The following CCDC178 variants were observed in gnomAD, a reference collection of about 807,000 sequenced individuals.
CCDC178 encodes coiled-coil domain containing 178, also known as coiled-coil domain-containing protein 178.
A neutral mutation model predicts 117.4 loss-of-function variants in CCDC178; 126 were observed. The ratio of observed to expected loss-of-function variants is 1.07; its 90% CI spans 0.93 to 1.24. CCDC178 has a LOEUF of 1.24. Among genes scored for constraint, CCDC178 ranks in the 50% most tolerant of loss-of-function variants. The pLI is 0.00. For missense variants in CCDC178, 1,030 were observed against 986.9 expected, an observed-to-expected ratio of 1.04 and a Z score of -0.59; for synonymous variants, 283 against 313.4, an observed-to-expected ratio of 0.90 and a Z score of 1.02.
intron 21 of CCDC178, among the ~76,000 whole-genome samples, chr18:33,075,493 TTA>T (rs1328683217): frequency 6.6e-6 from 1 of 152,192 alleles, no homozygotes; most frequent in African/African-American, 2.4e-5. Context: ...TTATTATGCA[TTA>T]TATTTCCATA....
chr18:33,241,118 AG>A (rs2059482622), intron 15 of CCDC178, among the ~76,000 whole-genome samples: 1 of 151,940 alleles, frequency 6.6e-6, no homozygotes, highest in African/African-American at 2.4e-5. Flanking sequence ...TAATAGATGC[AG>A]AAAAAGCATT....
At chr18:33,274,371 A>T (rs1402096193) in intron 12 of CCDC178, among the ~76,000 whole-genome samples, 5 of 151,988 alleles carry the variant, frequency 3.3e-5, no homozygotes, top group Non-Finnish European at 5.9e-5. Flanking sequence ...TTAAACATAG[A>T]ACTATCACAT....
At chr18:33,230,246 C>CTCTG (rs2059354033) in intron 15 of CCDC178, among the ~76,000 whole-genome samples, 1 of 147,998 alleles carries the variant, frequency 6.8e-6, no homozygotes, top group African/African-American at 2.5e-5. Flanking sequence ...AACTCAGAGG[C>CTCTG]TGTGTGTGTG....
At chr18:32,949,470 T>C (rs111996936) in intron 22 of CCDC178, among the ~76,000 whole-genome samples, 2 of 152,282 alleles carry the variant, frequency 1.3e-5, no homozygotes, top group South Asian at 2.1e-4. Context: ...TTTCTATTGC[T>C]ATGTCTTCAA....
At chr18:33,350,373 C>A (rs1297547698) in intron 7 of CCDC178, among the ~76,000 whole-genome samples, 1 of 151,916 alleles carries the variant, frequency 6.6e-6, no homozygotes, top group Non-Finnish European at 1.5e-5. Context: ...AACTATCATC[C>A]CATCTCATTC....
At chr18:33,095,646 A>G (rs761086952) in intron 20 of CCDC178, among the ~76,000 whole-genome samples, 2 of 151,960 alleles carry the variant, frequency 1.3e-5, no homozygotes, top group Non-Finnish European at 2.9e-5. Context: ...AAATATATAT[A>G]TTGTGCCCTT....
At position 33,336,310 on chromosome 18, in the gene CCDC178, C is replaced by A. The variant is rs1463635671; in HGVS notation, c.659-2916G>T. Among the ~76,000 whole-genome samples the A allele has an allele frequency of 2.6e-5, 4 of 151,998 alleles. No homozygotes were observed. In the East Asian group the frequency reaches 7.7e-4, roughly 29 times the overall value. On this transcript the variant is annotated intron_variant, in intron 9 of 22. Transcript: ENST00000383096. ...CTGGGTGAGACTTAAGCTTTATTTC[C>A]AGTATCCTGTACCCTACACATATAT...
chr18:33,291,996 AG>A lies in CCDC178; in HGVS notation c.1176+1162del, dbSNP rs536355786. 2.7e-5 allele frequency among the ~76,000 whole-genome samples: 4 copies of A among 150,254 alleles called. No homozygotes were observed. The East Asian group carries it at 7.9e-4, about 30-fold the overall frequency. On this transcript the variant is annotated intron_variant, in intron 12 of 22. Transcript: ENST00000383096. ...AATGAACACAGCCACTGTGGAGTGG[AG>A]ATCACAGCAGTATGGAGATTCCTCA...
intron 18 of CCDC178, among the ~76,000 whole-genome samples, chr18:33,216,949 T>A (rs2059173157): frequency 6.6e-6 from 1 of 152,024 alleles, no homozygotes; most frequent in African/African-American, 2.4e-5. Context: ...ATGCTCTCTA[T>A]CCCTAAACTT....
At chr18:33,440,783 G>C (rs560353380), upstream of CCDC178, 1 of 154,764 alleles carries the variant, frequency 6.5e-6, no homozygotes, top group South Asian at 1.8e-4. Flanking sequence ...GCGGCGTGAG[G>C]AGCGGGCGGC....
At chr18:32,955,958 A>G (rs2054584905) in intron 22 of CCDC178, among the ~76,000 whole-genome samples, 1 of 152,180 alleles carries the variant, frequency 6.6e-6, no homozygotes, top group East Asian at 1.9e-4. Context: ...TTTAAAATCC[A>G]TGTGCTAGCC....
intron 4 of CCDC178, among the ~76,000 whole-genome samples, chr18:33,394,945 A>ATGTG (rs1389405596): frequency 4.4e-4 from 15 of 34,178 alleles, no homozygotes; most frequent in Non-Finnish European, 6.7e-4. Context: ...ATGTATGTGT[A>ATGTG]TATATATATA....
intron 20 of CCDC178, among the ~76,000 whole-genome samples, chr18:33,186,408 A>G (rs1187411501): frequency 1.3e-5 from 2 of 152,112 alleles, no homozygotes; most frequent in Admixed American, 1.3e-4. Flanking sequence ...GACCAGACGC[A>G]CTGACCATAG....
At chr18:33,143,333 A>G (rs2144308696) in intron 20 of CCDC178, among the ~76,000 whole-genome samples, 1 of 152,254 alleles carries the variant, frequency 6.6e-6, no homozygotes, top group East Asian at 1.9e-4. Context: ...GCATCACAAA[A>G]CCTAGAAGCA....
At chr18:33,072,151 A>G (rs1276069025) in intron 21 of CCDC178, among the ~76,000 whole-genome samples, 1 of 152,130 alleles carries the variant, frequency 6.6e-6, no homozygotes, top group African/African-American at 2.4e-5. Flanking sequence ...ATACTTTTAA[A>G]TGAATTCAGA....
At chr18:33,438,059 T>C (rs2064316096) in intron 2 of CCDC178, among the ~76,000 whole-genome samples, 1 of 152,138 alleles carries the variant, frequency 6.6e-6, no homozygotes, top group African/African-American at 2.4e-5. Flanking sequence ...CCAGACCACA[T>C]ATGAAAATAA....
At position 33,293,238 on chromosome 18, in the gene CCDC178, T is replaced by C. The variant is rs1177880918; in HGVS notation, c.1097A>G (p.Glu366Gly). Residue 366 changes from glutamate to glycine, a missense_variant, in exon 12 of 23, where the codon GAG becomes GGG. Physicochemically the swap from Glu to Gly is moderately conservative, Grantham distance 98 (BLOSUM62 -2). Transcript: ENST00000383096. ...SSVINVNTNI[E>G]EKEEEVTEAI... is the part of the protein sequence containing the mutation. ...TTCAGTCACTTCCTCTTCCTTCTCC[T>C]CAATATTAGTATTAACATTTATCAC... 6.4e-7 allele frequency: 1 copy of C among 1,570,804 alleles called. No homozygotes were observed. The highest frequency in any genetic ancestry group is 8.8e-7 in the Non-Finnish European group (1 of 1,142,618).
chr18:33,165,493 T>C (rs1007525660), intron 20 of CCDC178, among the ~76,000 whole-genome samples: 7 of 152,124 alleles, frequency 4.6e-5, no homozygotes, highest in Non-Finnish European at 8.8e-5. Context: ...TCTGCAGGGG[T>C]CCTAGAACCA....
chr18:33,407,435 C>A (rs970681405), intron 3 of CCDC178, among the ~76,000 whole-genome samples: 1 of 151,922 alleles, frequency 6.6e-6, no homozygotes. Flanking sequence ...TAATAATATC[C>A]CAAATTCATA....
Sources: gnomAD v4.1 joint callset for allele counts (sites outside exome capture counted in the v4.1 genomes callset) on GRCh38, gnomAD v4.1.1 for gene constraint, MANE v1.5 for transcripts, NCBI Gene and HGNC (gene_info 2026-07-23, HGNC 2026-07-21) for gene names.